The following QSER1 variants were observed in gnomAD, a reference collection of about 807,000 sequenced individuals.
QSER1 encodes glutamine and serine-rich protein 1.
A neutral mutation model predicts 158.5 loss-of-function variants in QSER1; 49 were observed. The ratio of observed to expected loss-of-function variants is 0.31; its 90% CI spans 0.25 to 0.39. The LOEUF (loss-of-function observed/expected upper bound fraction) is 0.39. QSER1 is among the 10% of genes least tolerant of loss of function. The pLI, the probability that QSER1 is intolerant of heterozygous loss-of-function variation, is 1.00. For missense variants in QSER1, 1,754 were observed against 2,010.3 expected, an observed-to-expected ratio of 0.87 and a Z score of 2.44; for synonymous variants, 650 against 715.5, an observed-to-expected ratio of 0.91 and a Z score of 1.46.
rs993386589 is a variant in QSER1, at chr11:32,954,066, A to G, written c.4387A>G (p.Thr1463Ala). ...PSDQFAKGQD[T>A]VAIEGFTDEE... ...AGACCAGTTTGCAAAAGGACAGGAC[A>G]CTGTTGCCATAGAAGGTTTTACAGA... is the stretch of plus-strand genomic sequence containing the variant. Residue 1463 changes from threonine (T) to alanine (A), a missense_variant, in exon 5 of 13, where the codon ACT becomes GCT. Transcript: ENST00000650167. 1.2e-6 allele frequency: 2 copies of G among 1,614,062 alleles called. No individual in the cohort carries two copies. The highest frequency in any genetic ancestry group is 2.7e-5 in the African/African-American group (2 of 74,946).
At chr11:32,903,590 GT>G (rs1176949754) in intron 1 of QSER1, among the ~76,000 whole-genome samples, 1 of 151,090 alleles carries the variant, frequency 6.6e-6, no homozygotes, top group Non-Finnish European at 1.5e-5. Context: ...GCTTCAGTAA[GT>G]TTTTTATTTG....
chr11:32,959,696 T>C (rs531545510), intron 8 of QSER1, among the ~76,000 whole-genome samples: 1 of 152,276 alleles, frequency 6.6e-6, no homozygotes, highest in African/African-American at 2.4e-5. Context: ...TTAGAAATTA[T>C]CTGATTAGAA....
At chr11:32,923,550 C>T (rs528769561) in intron 1 of QSER1, among the ~76,000 whole-genome samples, 7 of 152,092 alleles carry the variant, frequency 4.6e-5, no homozygotes, top group Admixed American at 1.3e-4. Context: ...CAGTGGTGCA[C>T]GCCTGTAATC....
At chr11:32,956,792 T>C (rs1852521292) in intron 7 of QSER1, among the ~76,000 whole-genome samples, 1 of 152,190 alleles carries the variant, frequency 6.6e-6, no homozygotes, top group Admixed American at 6.5e-5. Flanking sequence ...TCTTTTTTAT[T>C]TGAGACAGGG....
At chr11:32,953,313 C>T (rs1440814210) in intron 4 of QSER1, among the ~76,000 whole-genome samples, 1 of 150,648 alleles carries the variant, frequency 6.6e-6, no homozygotes, top group South Asian at 2.1e-4. Flanking sequence ...TTTGGTTGGC[C>T]GACCCTTCCT....
intron 1 of QSER1, among the ~76,000 whole-genome samples, chr11:32,899,120 G>A (rs1590704994): frequency 1.3e-5 from 2 of 152,142 alleles, no homozygotes; most frequent in Admixed American, 6.5e-5. Flanking sequence ...TATGTAATAC[G>A]TATCTTCTTC....
At chr11:32,931,382 T>A (rs768184730) in intron 3 of QSER1, among the ~76,000 whole-genome samples, 1 of 152,032 alleles carries the variant, frequency 6.6e-6, no homozygotes, top group Non-Finnish European at 1.5e-5. Flanking sequence ...GAGTTCAAGA[T>A]AGCCTGAGCA....
chr11:32,953,917 C>T lies in QSER1; in HGVS notation c.4238C>T (p.Ser1413Phe), dbSNP rs780731681. Residue 1413 changes from serine (S) to phenylalanine (F), a missense_variant, in exon 5 of 13, where the codon TCC becomes TTC. Ser to Phe is a radical substitution (Grantham distance 155). Around this residue, in one of 2 missense-constraint regions of QSER1, gnomAD observed 1,707 missense variants for 1,919.6 expected, o/e 0.89. Transcript: ENST00000650167. ...TANTTGTATT[S>F]STTVGAVKQE... is the part of the protein sequence containing the mutation. ...AATACTACTGGTACTGCTACTACTT[C>T]CTCAACCACTGTGGGTGCAGTTAAG... is the stretch of plus-strand genomic sequence containing the variant. The T allele has an allele frequency of 5.6e-6, 9 of 1,614,070 alleles. No individual in the cohort carries two copies. Among genetic ancestry groups the T allele is most frequent in the East Asian group, 4.5e-5 (2 of 44,894 alleles).
intron 1 of QSER1, among the ~76,000 whole-genome samples, chr11:32,918,957 A>AC (rs1346886081): frequency 3.3e-5 from 5 of 151,872 alleles, no homozygotes; most frequent in South Asian, 4.2e-4. Context: ...GTTCCCATAC[A>AC]CCCCCCACCT....
chr11:32,898,605 G>C (rs1431596381), intron 1 of QSER1, among the ~76,000 whole-genome samples: 1 of 151,250 alleles, frequency 6.6e-6, no homozygotes, highest in Non-Finnish European at 1.5e-5. Context: ...ATTTTTTCTT[G>C]AGACAGGGTC....
intron 4 of QSER1, among the ~76,000 whole-genome samples, chr11:32,952,947 C>T (rs969327243): frequency 4.0e-5 from 6 of 151,508 alleles, no homozygotes; most frequent in East Asian, 1.9e-4. Flanking sequence ...GGATTAAAGG[C>T]GCGCACCACC....
At chr11:32,960,349 G>T (rs960742214) in intron 8 of QSER1, among the ~76,000 whole-genome samples, 1 of 152,118 alleles carries the variant, frequency 6.6e-6, no homozygotes. Flanking sequence ...CTGATGTCAG[G>T]AGTTTGAGAC....
At chr11:32,913,291 T>C (rs1336055752) in intron 1 of QSER1, among the ~76,000 whole-genome samples, 1 of 147,312 alleles carries the variant, frequency 6.8e-6, no homozygotes, top group Non-Finnish European at 1.5e-5. Context: ...CCTGGGTTCA[T>C]GCCATTCTCC....
chr11:32,973,443 C>T lies in QSER1; in HGVS notation c.5252C>T (p.Ser1751Phe). ...GAACTAACAATAATTACTCGAGATT[C>T]TAAAGCAAAGAGTGGAGGAACTGCT... ...FPELTIITRD[S>F]KAKSGGTAIS... Residue 1751 changes from serine (S) to phenylalanine (F), a missense_variant, in exon 11 of 13, where the codon TCT becomes TTT. By Grantham distance (155) the Ser-to-Phe change is radical. Transcript: ENST00000650167. 1 of 1,613,740 alleles carries T rather than the reference C, an allele frequency of 6.2e-7. No individual in the cohort carries two copies. Among genetic ancestry groups the T allele is most frequent in the Non-Finnish European group, 8.5e-7 (1 of 1,179,870 alleles).
intron 11 of QSER1, among the ~76,000 whole-genome samples, chr11:32,974,642 T>C (rs1204636141): frequency 6.6e-6 from 1 of 152,296 alleles, no homozygotes; most frequent in East Asian, 1.9e-4. Context: ...TGAGTGCCTA[T>C]AGTATGCCAA....
intron 11 of QSER1, 148 bp from the exon 12 acceptor site, chr11:32,975,098 TAA>T: frequency 2.4e-6 from 1 of 408,698 alleles, no homozygotes; most frequent in Non-Finnish European, 4.3e-6. Context: ...TTATTTTGAA[TAA>T]GTCTCTCCAT....
intron 4 of QSER1, among the ~76,000 whole-genome samples, chr11:32,945,304 G>A (rs1322764309): frequency 5.3e-5 from 8 of 151,298 alleles, no homozygotes; most frequent in Middle Eastern, 3.4e-3. Context: ...TATTTTGCTC[G>A]TTAGTTGATT....
At chr11:32,951,177 G>A (rs1312637592) in intron 4 of QSER1, among the ~76,000 whole-genome samples, 2 of 152,124 alleles carry the variant, frequency 1.3e-5, no homozygotes, top group Non-Finnish European at 2.9e-5. Context: ...AATCATCCTA[G>A]TAGGATGGTT....
rs180940305 is a variant in QSER1, at chr11:32,910,809, C to T, written c.210-16348C>T. Among the ~76,000 whole-genome samples, 11 of 152,302 alleles carry T rather than the reference C, an allele frequency of 7.2e-5. No homozygotes were observed. In the East Asian group the frequency reaches 1.9e-3, roughly 27 times the overall value. On this transcript the variant is annotated intron_variant, in intron 1 of 12. Coordinates refer to ENST00000650167, the MANE Select transcript of QSER1 (RefSeq NM_001076786.3). ...GGCCATAAATTAGGATTTACAAGCA[C>T]TTTCTTCTTCCTGTTCCATACCTTT... is the stretch of plus-strand genomic sequence containing the variant.
Sources: gnomAD v4.1 joint callset for allele counts (sites outside exome capture counted in the v4.1 genomes callset) on GRCh38, gnomAD v4.1.1 for gene constraint, gnomAD v4.1.1 regional missense constraint, MANE v1.5 for transcripts, NCBI Gene and HGNC (gene_info 2026-07-23, HGNC 2026-07-21) for gene names.